Variants in AOAH observed in about 807,000 individuals in gnomAD.
AOAH encodes acyloxyacyl hydrolase (neutrophil).
AOAH carries 64 observed loss-of-function variants against 92.2 expected under a neutral mutation model. The observed-to-expected ratio is 0.69, with a 90% confidence interval of 0.57 to 0.86. The LOEUF (loss-of-function observed/expected upper bound fraction) is 0.86. Ranked by LOEUF, AOAH falls within the 40% of genes least tolerant of loss-of-function variation. AOAH has a pLI of 0.00. For synonymous variants in AOAH, 263 were observed against 254.5 expected (o/e 1.03, Z -0.32); for missense variants, 656 against 694.6 (o/e 0.94, Z 0.62).
intron 13 of AOAH, among the ~76,000 whole-genome samples, chr7:36,550,749 A>G (rs1440816621): frequency 6.6e-6 from 1 of 152,192 alleles, no homozygotes; most frequent in African/African-American, 2.4e-5. Flanking sequence ...GAGAAATACC[A>G]TCCAGTTGCC....
chr7:36,664,057 T>A (rs993123713), intron 3 of AOAH, among the ~76,000 whole-genome samples: 3 of 143,432 alleles, frequency 2.1e-5, no homozygotes, highest in Non-Finnish European at 4.6e-5. Context: ...ATTTTTTTTT[T>A]AAACTGGGTT....
At chr7:36,535,024 C>G (rs376307068) in intron 16 of AOAH, among the ~76,000 whole-genome samples, 54 of 144,976 alleles carry the variant, frequency 3.7e-4, no homozygotes, top group East Asian at 2.2e-3. Context: ...GTGTCTGTGT[C>G]TGTGTGTGTG....
intron 13 of AOAH, among the ~76,000 whole-genome samples, chr7:36,556,389 G>A (rs1016825830): frequency 2.6e-5 from 4 of 152,076 alleles, no homozygotes; most frequent in Non-Finnish European, 4.4e-5. Flanking sequence ...TTGCTGAGGA[G>A]AGCTTTACTT....
At chr7:36,628,153 G>C (rs1792811822) in intron 6 of AOAH, among the ~76,000 whole-genome samples, 1 of 152,144 alleles carries the variant, frequency 6.6e-6, no homozygotes, top group African/African-American at 2.4e-5. Flanking sequence ...TATGGGGAAG[G>C]AGGAGGCTAA....
At chr7:36,717,320 G>C (rs920624860) in intron 1 of AOAH, among the ~76,000 whole-genome samples, 1 of 152,088 alleles carries the variant, frequency 6.6e-6, no homozygotes, top group Admixed American at 6.6e-5. Context: ...TTCAGTGAGA[G>C]CTATCCCCTC....
rs539576679 is a variant in AOAH, at chr7:36,588,374, T to C, written c.938+5965A>G. The stretch of plus-strand genomic sequence containing the variant: ...GTCTTAGAGACCCCACAGGGGTTCA[T>C]GGACCACACTTGGAGAACTGCTGCT... On this transcript the variant is annotated intron_variant, in intron 12 of 20. Transcript: ENST00000617537. 4.9e-4 allele frequency among the ~76,000 whole-genome samples: 75 copies of C among 152,358 alleles called. 1 individual carries two copies. Among genetic ancestry groups the C allele is most frequent in the Admixed American group, 2.1e-3 (32 of 15,302 alleles).
At chr7:36,594,056 T>C (rs974263834) in intron 12 of AOAH, among the ~76,000 whole-genome samples, 3 of 152,252 alleles carry the variant, frequency 2.0e-5, no homozygotes, top group Non-Finnish European at 4.4e-5. Context: ...ACTTTGTTTT[T>C]CCTTGAATCA....
At chr7:36,669,495 G>T (rs1478101378) in intron 3 of AOAH, among the ~76,000 whole-genome samples, 1 of 149,986 alleles carries the variant, frequency 6.7e-6, no homozygotes, top group African/African-American at 2.5e-5. Context: ...TGATTCTTCT[G>T]CCTCAGCCTC....
In AOAH at chr7:36,674,419, T is replaced by C. The variant is rs1343390932; in HGVS notation, c.224-410A>G. On this transcript the variant is annotated intron_variant, in intron 2 of 20. Transcript: ENST00000617537. ...TAGAAATGGTCTTTTCTGGTGTTTA[T>C]TCAAAGGAAAATACTTCACTTGGGG... is the stretch of plus-strand genomic sequence containing the variant. 4.6e-5 allele frequency among the ~76,000 whole-genome samples: 7 copies of C among 152,222 alleles called. 1 individual carries two copies. Among genetic ancestry groups the C allele is most frequent in the Non-Finnish European group, 1.0e-4 (7 of 68,032 alleles).
At chr7:36,643,843 T>G (rs1324871281) in intron 4 of AOAH, among the ~76,000 whole-genome samples, 1 of 152,076 alleles carries the variant, frequency 6.6e-6, no homozygotes, top group Non-Finnish European at 1.5e-5. Flanking sequence ...CTCTTCCTCC[T>G]GCTCTTGCCA....
chr7:36,572,345 A>G (rs1046455475), intron 13 of AOAH, among the ~76,000 whole-genome samples: 3 of 151,958 alleles, frequency 2.0e-5, no homozygotes, highest in African/African-American at 7.3e-5. Flanking sequence ...ACCAAAATAA[A>G]TAAATAAATG....
chr7:36,679,697 C>G lies in AOAH; in HGVS notation c.224-5688G>C, dbSNP rs144547717. Among the ~76,000 whole-genome samples the G allele has an allele frequency of 4.4e-3, 658 of 151,140 alleles. 3 individuals are homozygous for G. The highest frequency in any genetic ancestry group is 0.015 in the African/African-American group (638 of 41,214). On this transcript the variant is annotated intron_variant, in intron 2 of 20. Transcript: ENST00000617537. ...TTTTTGAGACGGAGTCTTGCTCTGT[C>G]CCTAGGCTGGAGTGCAGTGGTGCAA... is the stretch of plus-strand genomic sequence containing the variant.
At chr7:36,612,738 G>A (rs2115901976) in intron 11 of AOAH, among the ~76,000 whole-genome samples, 1 of 152,150 alleles carries the variant, frequency 6.6e-6, no homozygotes, top group African/African-American at 2.4e-5. Context: ...GCTAAAACTG[G>A]GTCTTTATCA....
chr7:36,631,481 T>A (rs186461153), intron 6 of AOAH, among the ~76,000 whole-genome samples: 1 of 152,280 alleles, frequency 6.6e-6, no homozygotes, highest in Non-Finnish European at 1.5e-5. Flanking sequence ...ATGTCTAGCA[T>A]AACCCCAGAC....
intron 1 of AOAH, among the ~76,000 whole-genome samples, chr7:36,687,292 G>C (rs1797095735): frequency 6.6e-6 from 1 of 152,148 alleles, no homozygotes; most frequent in Non-Finnish European, 1.5e-5. Flanking sequence ...AAGTGAGACT[G>C]AGTGTGTCTT....
chr7:36,561,461 TC>T (rs1367248245), intron 13 of AOAH, among the ~76,000 whole-genome samples: 6 of 152,162 alleles, frequency 3.9e-5, no homozygotes, highest in African/African-American at 1.2e-4. Context: ...CACTGAGTCC[TC>T]AGTACAAGGG....
intron 4 of AOAH, among the ~76,000 whole-genome samples, chr7:36,650,451 G>C (rs1282105445): frequency 1.3e-5 from 2 of 152,182 alleles, no homozygotes; most frequent in Non-Finnish European, 2.9e-5. Context: ...TGTGGGAGGT[G>C]AGAAGCAAGA....
chr7:36,661,829 A>G (rs1251099318), intron 3 of AOAH, among the ~76,000 whole-genome samples: 2 of 152,118 alleles, frequency 1.3e-5, no homozygotes, highest in Non-Finnish European at 2.9e-5. Context: ...CCTGATGCCC[A>G]TTTCACAGAC....
At chr7:36,653,954 T>C (rs1197535862) in intron 4 of AOAH, among the ~76,000 whole-genome samples, 1 of 152,154 alleles carries the variant, frequency 6.6e-6, no homozygotes, top group African/African-American at 2.4e-5. Context: ...CAATGTAACA[T>C]TCTGATCCAA....
Sources: allele counts gnomAD v4.1 joint callset (sites outside exome capture counted in the v4.1 genomes callset), GRCh38; gene constraint gnomAD v4.1.1; transcripts MANE v1.5; gene names NCBI Gene and HGNC (gene_info 2026-07-23, HGNC 2026-07-21).